STK32A: variants seen among roughly 807,000 people sequenced by gnomAD.
The protein encoded by STK32A is serine/threonine kinase 32A, also known as serine/threonine-protein kinase 32A.
Under a neutral mutation model 53.2 loss-of-function variants are expected in STK32A, and 41 were observed. The ratio of observed to expected loss-of-function variants is 0.77; its 90% CI spans 0.60 to 1.00. STK32A has a LOEUF of 1.00. Among genes scored for constraint, STK32A ranks in the 50% least tolerant of loss-of-function variants. The pLI, the probability that STK32A is intolerant of heterozygous loss-of-function variation, is 0.00. For missense variants in STK32A, 458 were observed against 485.8 expected, an observed-to-expected ratio of 0.94 and a Z score of 0.54; for synonymous variants, 166 against 162.8, an observed-to-expected ratio of 1.02 and a Z score of -0.15.
intron 2 of STK32A, among the ~76,000 whole-genome samples, chr5:147,243,737 C>G (rs1257490516): frequency 2.8e-5 from 2 of 71,542 alleles, no homozygotes; most frequent in Non-Finnish European, 6.3e-5. Flanking sequence ...AAGACTCTGT[C>G]CAAAAAAAAA....
intron 2 of STK32A, among the ~76,000 whole-genome samples, chr5:147,270,209 A>G (rs4705154): frequency 0.59 from 89,403 of 151,886 alleles, 26,685 homozygotes; most frequent in African/African-American, 0.67. Context: ...TTAAAACTAC[A>G]TTACTGAAAA....
At chr5:147,244,824 G>A (rs1359435244) in intron 2 of STK32A, among the ~76,000 whole-genome samples, 1 of 152,128 alleles carries the variant, frequency 6.6e-6, no homozygotes, top group Non-Finnish European at 1.5e-5. Context: ...TGTGAGGATT[G>A]AATAAATAAT....
At chr5:147,327,248 T>C (rs1754643727) in intron 5 of STK32A, among the ~76,000 whole-genome samples, 2 of 152,206 alleles carry the variant, frequency 1.3e-5, no homozygotes, top group South Asian at 4.1e-4. Context: ...AGATACAGGC[T>C]TCTGAATACT....
At chr5:147,284,978 A>G (rs1229789627) in intron 4 of STK32A, among the ~76,000 whole-genome samples, 2 of 152,164 alleles carry the variant, frequency 1.3e-5, no homozygotes, top group Non-Finnish European at 1.5e-5. Flanking sequence ...GAACCAAAAA[A>G]GAACCTGCAT....
chr5:147,325,886 T>A (rs1237826402), intron 5 of STK32A, among the ~76,000 whole-genome samples: 2 of 152,178 alleles, frequency 1.3e-5, no homozygotes, highest in Non-Finnish European at 2.9e-5. Flanking sequence ...CCACAGCCTA[T>A]CTTGGTTGTG....
At chr5:147,350,721 C>A (rs1581127142) in intron 6 of STK32A, among the ~76,000 whole-genome samples, 2 of 152,194 alleles carry the variant, frequency 1.3e-5, no homozygotes, top group South Asian at 4.2e-4. Flanking sequence ...AAACGTGATA[C>A]TTTGAGTATC....
intron 4 of STK32A, among the ~76,000 whole-genome samples, chr5:147,285,710 A>G (rs185509550): frequency 1.3e-3 from 204 of 152,316 alleles, no homozygotes; most frequent in African/African-American, 4.5e-3. Context: ...ACTAATGATC[A>G]GGGAAATGCA....
At chr5:147,258,524 C>T (rs1754341605) in intron 2 of STK32A, among the ~76,000 whole-genome samples, 1 of 147,362 alleles carries the variant, frequency 6.8e-6, no homozygotes, top group Admixed American at 6.6e-5. Flanking sequence ...CATAAATTCC[C>T]TTTTAAAACT....
rs78500839 is a variant in STK32A at position 147,337,031 on chromosome 5, C to G, written c.435-5975C>G. 3.0e-3 allele frequency among the ~76,000 whole-genome samples: 455 copies of G among 152,212 alleles called. 19 individuals are homozygous for G. The East Asian group carries it at 0.075, about 25-fold the overall frequency. ...GGATTGCAGGGTGAGCAACTTGACT[C>G]CAGGGGAGGCGCAATGAAGGGATGT... is the stretch of plus-strand genomic sequence containing the variant. On this transcript the variant is annotated intron_variant, in intron 5 of 12. Transcript: ENST00000397936.
chr5:147,351,309 G>T (rs2151993577), intron 7 of STK32A, among the ~76,000 whole-genome samples, 155 bp downstream of exon 7: 1 of 152,224 alleles, frequency 6.6e-6, no homozygotes, highest in South Asian at 2.1e-4. Context: ...CCACTAGCAA[G>T]CACCCAAGAT....
chr5:147,301,381 C>T (rs987176905), intron 4 of STK32A, among the ~76,000 whole-genome samples: 22 of 152,180 alleles, frequency 1.4e-4, no homozygotes, highest in Admixed American at 5.2e-4. Flanking sequence ...TCTTCTGAAG[C>T]ACCATCTCAA....
chr5:147,272,464 C>G (rs925309160), intron 2 of STK32A, among the ~76,000 whole-genome samples: 1 of 152,134 alleles, frequency 6.6e-6, no homozygotes, highest in African/African-American at 2.4e-5. Flanking sequence ...AAATTAGCTA[C>G]TTAAAAATAA....
At chr5:147,351,709 T>A (rs1232116174) in intron 7 of STK32A, among the ~76,000 whole-genome samples, 1 of 152,122 alleles carries the variant, frequency 6.6e-6, no homozygotes, top group African/African-American at 2.4e-5. Context: ...TAGCTGGGTG[T>A]GGTAGCATGC....
intron 2 of STK32A, among the ~76,000 whole-genome samples, chr5:147,276,742 G>A (rs1320628250): frequency 6.6e-6 from 1 of 152,170 alleles, no homozygotes; most frequent in African/African-American, 2.4e-5. Context: ...AGTTTCAGAA[G>A]AGAAGTCATT....
At chr5:147,278,616 T>A (rs1242627987) in intron 3 of STK32A, among the ~76,000 whole-genome samples, 1 of 152,214 alleles carries the variant, frequency 6.6e-6, no homozygotes, top group Non-Finnish European at 1.5e-5. Flanking sequence ...TTAAGAAAAA[T>A]ACATATTCAG....
chr5:147,289,685 A>T (rs1423630418), intron 4 of STK32A, among the ~76,000 whole-genome samples: 1 of 151,948 alleles, frequency 6.6e-6, no homozygotes, highest in African/African-American at 2.4e-5. Flanking sequence ...GATATTTGAA[A>T]ACTCTTCTGC....
chr5:147,351,366 C>T (rs76094045), intron 7 of STK32A, among the ~76,000 whole-genome samples: 1 of 152,096 alleles, frequency 6.6e-6, no homozygotes, highest in Non-Finnish European at 1.5e-5. Flanking sequence ...AAACTTACTT[C>T]GTGTGTCAAG....
intron 11 of STK32A, among the ~76,000 whole-genome samples, chr5:147,378,940 GT>G (rs145437189): frequency 5.6e-5 from 7 of 124,118 alleles, no homozygotes; most frequent in South Asian, 2.6e-4. Flanking sequence ...TTTGAAAATA[GT>G]TTTTTTTTCT....
At chr5:147,321,443 T>C (rs1364462950) in intron 4 of STK32A, among the ~76,000 whole-genome samples, 2 of 152,236 alleles carry the variant, frequency 1.3e-5, no homozygotes, top group Non-Finnish European at 2.9e-5. Flanking sequence ...AGGAGAAAGA[T>C]GATTTTTAAG....
Sources: allele counts gnomAD v4.1 joint callset (sites outside exome capture counted in the v4.1 genomes callset), GRCh38; gene constraint gnomAD v4.1.1; transcripts MANE v1.5; gene names NCBI Gene and HGNC (gene_info 2026-07-23, HGNC 2026-07-21).